Variants in PHF14 observed in about 807,000 individuals in gnomAD.
PHF14 encodes PHD finger protein 14.
PHF14 carries 55 observed loss-of-function variants against 117.9 expected under a neutral mutation model. The observed-to-expected ratio is 0.47, with a 90% CI of 0.38 to 0.58. The LOEUF (loss-of-function observed/expected upper bound fraction) is 0.58. PHF14 is among the 20% of genes least tolerant of loss of function. The pLI is 0.00. For synonymous variants in PHF14, 409 were observed against 368.6 expected, an observed-to-expected ratio of 1.11 and a Z score of -1.26; for missense variants, 978 against 1,122.2, an observed-to-expected ratio of 0.87 and a Z score of 1.84.
At position 11,137,326 on chromosome 7, in the gene PHF14, T is replaced by C. The variant is rs115886186; in HGVS notation, c.2772+25859T>C. Among the ~76,000 whole-genome samples the C allele has an allele frequency of 8.0e-3, 1,224 of 152,300 alleles. 11 individuals carry two copies. The highest frequency in any genetic ancestry group is 0.028 in the African/African-American group (1,167 of 41,564). On this transcript the variant is annotated intron_variant, in intron 17 of 17. Transcript: ENST00000634607. ...CAATTGGCTGCCATGTGGATACTTC[T>C]TATGCTTGATCTTAAGTGCTTTTGT...
intron 17 of PHF14, among the ~76,000 whole-genome samples, chr7:11,154,285 T>G (rs950437975): frequency 1.3e-5 from 2 of 152,216 alleles, no homozygotes; most frequent in Admixed American, 6.5e-5. Flanking sequence ...TGTGTGTGTG[T>G]CTGTACATTT....
intron 2 of PHF14, among the ~76,000 whole-genome samples, chr7:10,980,527 A>C (rs1420399412): frequency 1.3e-5 from 2 of 152,136 alleles, no homozygotes; most frequent in Admixed American, 1.3e-4. Flanking sequence ...ACAAAATCAT[A>C]ATTTTCTTAA....
At chr7:11,020,311 A>G (rs901613408) in intron 5 of PHF14, among the ~76,000 whole-genome samples, 2 of 151,856 alleles carry the variant, frequency 1.3e-5, no homozygotes, top group African/African-American at 4.8e-5. Context: ...GCTGGTCTTG[A>G]GCTCCTGGGC....
In PHF14 at chr7:10,990,836, C is replaced by CA. The variant is rs1562564445; in HGVS notation, c.1035dup (p.Val346SerfsTer3). 1 of 1,586,416 alleles carries CA rather than the reference C, an allele frequency of 6.3e-7. No individual in the cohort carries two copies. Among genetic ancestry groups the CA allele is most frequent in the Non-Finnish European group, 8.6e-7 (1 of 1,164,692 alleles). ...ATTCAGTGTGACAATTGTGGCATTACAGTCCATGAAGGTAATGTTGCTTTC... is the reference window on the plus strand; with the variant it reads ...ATTCAGTGTGACAATTGTGGCATTACAAGTCCATGAAGGTAATGTTGCTTTC... On this transcript the variant is annotated frameshift_variant, in exon 4 of 18. Transcript: ENST00000634607. LOFTEE classifies it high-confidence loss of function.
At chr7:11,110,532 TTGTC>T in intron 16 of PHF14, 1 of 981,806 alleles carries the variant, frequency 1.0e-6, no homozygotes, top group Non-Finnish European at 1.2e-6. Context: ...CAGGATGAGA[TTGTC>T]TGAAACGAAG....
At chr7:11,141,408 A>G (rs953949194) in intron 17 of PHF14, among the ~76,000 whole-genome samples, 3 of 152,090 alleles carry the variant, frequency 2.0e-5, no homozygotes, top group Admixed American at 6.6e-5. Context: ...CCTGTATAGT[A>G]TAGAATCTGG....
At chr7:11,131,691 A>G (rs1252041092) in intron 17 of PHF14, among the ~76,000 whole-genome samples, 1 of 151,868 alleles carries the variant, frequency 6.6e-6, no homozygotes, top group African/African-American at 2.4e-5. Flanking sequence ...GTATTGTATC[A>G]TCAAATTTGT....
intron 14 of PHF14, among the ~76,000 whole-genome samples, chr7:11,059,819 A>G (rs537128352): frequency 4.6e-5 from 7 of 152,170 alleles, no homozygotes; most frequent in Non-Finnish European, 1.0e-4. Context: ...CAAATTAGAT[A>G]ATAGAGTACC....
chr7:10,987,676 T>C (rs1300917547), intron 3 of PHF14, among the ~76,000 whole-genome samples: 2 of 152,180 alleles, frequency 1.3e-5, no homozygotes, highest in Admixed American at 6.5e-5. Flanking sequence ...ATTTTCCTGA[T>C]GTCTATTTTT....
intron 17 of PHF14, among the ~76,000 whole-genome samples, chr7:11,164,413 A>G (rs1045361758): frequency 6.6e-6 from 1 of 152,200 alleles, no homozygotes; most frequent in Non-Finnish European, 1.5e-5. Flanking sequence ...AAAATCAATA[A>G]TATCAACATT....
At chr7:11,080,108 T>C (rs143731334) in intron 16 of PHF14, among the ~76,000 whole-genome samples, 22 of 152,276 alleles carry the variant, frequency 1.4e-4, no homozygotes, top group African/African-American at 5.3e-4. Context: ...GTTCAAAGTT[T>C]ATTTGCACCT....
intron 16 of PHF14, chr7:11,063,232 C>A (rs1389239686): frequency 1.0e-6 from 1 of 984,136 alleles, no homozygotes; most frequent in African/African-American, 1.8e-5. Flanking sequence ...TGAGGTAGTT[C>A]ATGTAGAGTG....
intron 2 of PHF14, among the ~76,000 whole-genome samples, chr7:10,976,697 C>T (rs1281460782): frequency 6.6e-6 from 1 of 151,696 alleles, no homozygotes; most frequent in African/African-American, 2.4e-5. Flanking sequence ...AGATTTCTGA[C>T]CTTGTTAAAT....
At chr7:11,151,105 T>C (rs1788690105) in intron 17 of PHF14, among the ~76,000 whole-genome samples, 2 of 152,206 alleles carry the variant, frequency 1.3e-5, no homozygotes, top group Admixed American at 1.3e-4. Flanking sequence ...TGGTGAAATA[T>C]AAATTTAAAT....
intron 16 of PHF14, among the ~76,000 whole-genome samples, chr7:11,083,283 G>C (rs1245512960): frequency 6.6e-6 from 1 of 152,012 alleles, no homozygotes; most frequent in African/African-American, 2.4e-5. Context: ...TTTTCCTTAA[G>C]ACTCCAAGCT....
At position 11,062,099 on chromosome 7, in the gene PHF14, T is replaced by G. The variant is rs1785245344; in HGVS notation, c.2654+14T>G. 1.9e-6 allele frequency: 3 copies of G among 1,594,592 alleles called. No homozygotes were observed. Among genetic ancestry groups the G allele is most frequent in the East Asian group, 2.2e-5 (1 of 44,542 alleles). On this transcript the variant is annotated intron_variant, in intron 16 of 17. Transcript: ENST00000634607. ...AAATCTTGTCAGGTAAGTTGGATGC[T>G]AAAACCTTGTCTTTAGGGGATGAAA...
chr7:11,077,806 A>C (rs1172527558), intron 16 of PHF14, among the ~76,000 whole-genome samples: 4 of 152,150 alleles, frequency 2.6e-5, no homozygotes, highest in Non-Finnish European at 5.9e-5. Flanking sequence ...ATAGACAAAG[A>C]ATTGCAGTCA....
intron 16 of PHF14, among the ~76,000 whole-genome samples, chr7:11,092,576 AT>A: frequency 6.6e-6 from 1 of 152,200 alleles, no homozygotes; most frequent in East Asian, 1.9e-4. Context: ...TAGGTGAACA[AT>A]TTAGCAATAG....
intron 4 of PHF14, among the ~76,000 whole-genome samples, chr7:11,000,539 A>G (rs1782829074): frequency 6.6e-6 from 1 of 151,926 alleles, no homozygotes; most frequent in Non-Finnish European, 1.5e-5. Flanking sequence ...GGGTTTTGCC[A>G]TGTTGGCCAG....
Sources: allele counts gnomAD v4.1 joint callset (sites outside exome capture counted in the v4.1 genomes callset), GRCh38; gene constraint gnomAD v4.1.1; transcripts MANE v1.5; gene names NCBI Gene and HGNC (gene_info 2026-07-23, HGNC 2026-07-21).